The following ODAD2 variants were observed in gnomAD, a reference collection of about 807,000 sequenced individuals.
ODAD2 encodes outer dynein arm-docking complex subunit 2.
A neutral mutation model predicts 106.8 loss-of-function variants in ODAD2; 89 were observed. That is an observed-to-expected ratio of 0.83 (90% confidence interval 0.70 to 0.99). The LOEUF is 0.99. Ranked by LOEUF, ODAD2 falls within the 50% of genes least tolerant of loss-of-function variation. The pLI is 0.00. For synonymous variants in ODAD2, 404 were observed against 436.2 expected, an observed-to-expected ratio of 0.93 and a Z score of 0.92; for missense variants, 1,168 against 1,238.5, an observed-to-expected ratio of 0.94 and a Z score of 0.85.
chr10:27,859,146 G>T (rs1006173112), intron 19 of ODAD2, among the ~76,000 whole-genome samples: 3 of 151,184 alleles, frequency 2.0e-5, no homozygotes, highest in Admixed American at 2.0e-4. Flanking sequence ...CTTCCTTTTT[G>T]AAATGGGAAC....
intron 6 of ODAD2, among the ~76,000 whole-genome samples, chr10:27,982,268 G>A (rs1048600635): frequency 9.9e-5 from 15 of 151,800 alleles, no homozygotes; most frequent in African/African-American, 1.7e-4. Flanking sequence ...ATTTCTATAC[G>A]TATGACCAGT....
chr10:27,987,619 A>G, intron 2 of ODAD2, 76 bp from the exon 3 acceptor site: 1 of 1,009,572 alleles, frequency 9.9e-7, no homozygotes, highest in Non-Finnish European at 1.4e-6. Context: ...AGACATTTAG[A>G]CAGATTATTC....
At chr10:27,934,225 C>G (rs1400694916) in intron 16 of ODAD2, among the ~76,000 whole-genome samples, 1 of 151,918 alleles carries the variant, frequency 6.6e-6, no homozygotes, top group Admixed American at 6.6e-5. Flanking sequence ...TTATAATTAC[C>G]CAGTTTCGGG....
chr10:27,829,931 TAA>T (rs35072227), intron 19 of ODAD2, among the ~76,000 whole-genome samples: 5,052 of 149,514 alleles, frequency 0.034, 240 homozygotes, highest in African/African-American at 0.11. Flanking sequence ...AGGCAGTAAT[TAA>T]AAAAAAAAAA....
rs1465895645 is a variant in ODAD2 at position 27,987,508 on chromosome 10, T to C, written c.260A>G (p.Asn87Ser). Residue 87 changes from asparagine to serine, a missense_variant, in exon 3 of 20, where the codon AAT (asparagine) becomes AGT (serine). Asn to Ser is a conservative substitution (Grantham distance 46). Transcript: ENST00000305242. ...TTVKSEEVDK[N>S]GQPLLFLSVP... ...AGAGAGAAATAGCAAAGGCTGTCCA[T>C]TTTTATCAACTTCTTCTGATTTGAC... 9 of 1,611,930 alleles carry C rather than the reference T, an allele frequency of 5.6e-6. No individual in the cohort carries two copies. The highest frequency in any genetic ancestry group is 1.7e-5 in the Admixed American group (1 of 59,604).
In ODAD2 at chr10:27,851,216, C is replaced by A. The variant is rs1678483229; in HGVS notation, c.3021+9409G>T. 2.6e-5 allele frequency among the ~76,000 whole-genome samples: 4 copies of A among 152,068 alleles called. No individual in the cohort carries two copies. In the South Asian group the frequency reaches 8.3e-4, roughly 32 times the overall value. ...ATGCACAGGGTATCAGGTAGAGTAG[C>A]CAGAGGTCTTGCCTCAGTAGTGGGA... On this transcript the variant is annotated intron_variant, in intron 19 of 19. Transcript: ENST00000305242.
At chr10:27,842,099 T>C (rs868632121) in intron 19 of ODAD2, among the ~76,000 whole-genome samples, 34 of 152,238 alleles carry the variant, frequency 2.2e-4, no homozygotes, top group Middle Eastern at 3.2e-3. Context: ...ATGCCTTCTC[T>C]GACTTCCCTG....
chr10:27,974,904 C>T (rs1237809715), intron 7 of ODAD2, among the ~76,000 whole-genome samples: 1 of 152,060 alleles, frequency 6.6e-6, no homozygotes, highest in Non-Finnish European at 1.5e-5. Context: ...TTTGTGTCAT[C>T]TCTGATTTCT....
rs150458003 is a variant in ODAD2 at position 27,823,064 on chromosome 10, G to C, written c.3022-10439C>G. Among the ~76,000 whole-genome samples the C allele has an allele frequency of 4.1e-3, 625 of 152,252 alleles. 3 individuals are homozygous for C. The highest frequency in any genetic ancestry group is 0.014 in the African/African-American group (595 of 41,558). Reference sequence around the variant, plus strand: ...TGCTAGAAATGGAGAATGACTTGATGACTGGCTGGGTCAGGGAATTGTGGG... The same window carrying C: ...TGCTAGAAATGGAGAATGACTTGATCACTGGCTGGGTCAGGGAATTGTGGG... On this transcript the variant is annotated intron_variant, in intron 19 of 19. Coordinates refer to ENST00000305242, the MANE Select transcript of ODAD2 (RefSeq NM_018076.5).
intron 16 of ODAD2, among the ~76,000 whole-genome samples, chr10:27,934,239 G>A (rs776982675): frequency 3.3e-5 from 5 of 151,990 alleles, no homozygotes; most frequent in Non-Finnish European, 5.9e-5. Context: ...TTTCGGGTAT[G>A]TCTTTATCAG....
intron 14 of ODAD2, among the ~76,000 whole-genome samples, chr10:27,938,860 A>G (rs1271401874): frequency 6.6e-6 from 1 of 152,056 alleles, no homozygotes; most frequent in Non-Finnish European, 1.5e-5. Flanking sequence ...TCAGCCTCCC[A>G]AAGTGCTGGG....
Position 27,963,385 on chromosome 10 carries a change from A to C in ODAD2, c.1239-1670T>G, listed in dbSNP as rs979991910. 3.3e-5 allele frequency among the ~76,000 whole-genome samples: 5 copies of C among 152,116 alleles called. No homozygotes were observed. The East Asian group carries it at 7.7e-4, about 23-fold the overall frequency. ...GCAGGCTCTATTATCCCCATTCTACAAGCAAGGAAATGTCAGAGAAATTAA... is the reference window on the plus strand; with the variant it reads ...GCAGGCTCTATTATCCCCATTCTACCAGCAAGGAAATGTCAGAGAAATTAA... On this transcript the variant is annotated intron_variant, in intron 9 of 19. Transcript: ENST00000305242.
At chr10:27,941,885 C>T (rs1445514975) in intron 12 of ODAD2, among the ~76,000 whole-genome samples, 1 of 152,134 alleles carries the variant, frequency 6.6e-6, no homozygotes. Context: ...GAATAATAGC[C>T]TAGGCTAGGT....
chr10:27,875,162 G>A (rs907347564), intron 17 of ODAD2, among the ~76,000 whole-genome samples: 1 of 152,126 alleles, frequency 6.6e-6, no homozygotes, highest in Non-Finnish European at 1.5e-5. Context: ...ACTAAAGCTT[G>A]TGCATTCGTC....
chr10:27,866,765 T>C (rs1398246351), intron 17 of ODAD2, among the ~76,000 whole-genome samples: 3 of 151,982 alleles, frequency 2.0e-5, no homozygotes, highest in Non-Finnish European at 2.9e-5. Context: ...TGGGAACTAA[T>C]AGACCAAGAA....
At chr10:27,817,487 C>T (rs1836232159) in intron 19 of ODAD2, among the ~76,000 whole-genome samples, 1 of 152,110 alleles carries the variant, frequency 6.6e-6, no homozygotes, top group South Asian at 2.1e-4. Flanking sequence ...TTTTTTAACC[C>T]TCATTCCCCC....
intron 16 of ODAD2, among the ~76,000 whole-genome samples, chr10:27,914,827 A>G (rs2133913705): frequency 6.6e-6 from 1 of 152,230 alleles, no homozygotes; most frequent in Non-Finnish European, 1.5e-5. Flanking sequence ...CAAACTAGAC[A>G]CAGAAGAGAA....
chr10:27,895,717 G>T (rs538413563), intron 17 of ODAD2, among the ~76,000 whole-genome samples: 2 of 152,152 alleles, frequency 1.3e-5, no homozygotes, highest in African/African-American at 2.4e-5. Context: ...TCATCATCAC[G>T]CAAAGTGCTA....
In ODAD2 at chr10:27,961,727, A is replaced by T. The variant is rs1354033240; in HGVS notation, c.1239-12T>A. 6.2e-7 allele frequency: 1 copy of T among 1,600,134 alleles called. No individual in the cohort carries two copies. The highest frequency in any genetic ancestry group is 1.7e-5 in the Admixed American group (1 of 58,684). On this transcript the variant is annotated splice_polypyrimidine_tract_variant and intron_variant, in intron 9 of 19. Coordinates refer to ENST00000305242, the MANE Select transcript of ODAD2 (RefSeq NM_018076.5). Reference sequence around the variant, plus strand: ...TTTCAGCACTCTTCCTAAGAACAATAACAACACACATACACATGTAAGCTA... The same window carrying T: ...TTTCAGCACTCTTCCTAAGAACAATTACAACACACATACACATGTAAGCTA...
Sources: allele counts gnomAD v4.1 joint callset (sites outside exome capture counted in the v4.1 genomes callset), GRCh38; gene constraint gnomAD v4.1.1; transcripts MANE v1.5; gene names NCBI Gene and HGNC (gene_info 2026-07-23, HGNC 2026-07-21).